Variants in RAD51D observed in about 807,000 individuals in gnomAD.
The protein encoded by RAD51D is DNA repair protein RAD51 homolog 4.
Under a neutral mutation model 44.1 loss-of-function variants are expected in RAD51D, and 38 were observed. That is an observed-to-expected ratio of 0.86 (90% CI 0.67 to 1.13). RAD51D has a LOEUF of 1.13. Among genes scored for constraint, RAD51D ranks in the 50% most tolerant of loss-of-function variants. The pLI, the probability that RAD51D is intolerant of heterozygous loss-of-function variation, is 0.00. For missense variants in RAD51D, 390 were observed against 414.0 expected (o/e 0.94, Z 0.50); for synonymous variants, 141 against 166.6 (o/e 0.85, Z 1.18).
intron 3 of RAD51D, among the ~76,000 whole-genome samples, chr17:35,115,799 G>A (rs2091729296): frequency 6.6e-6 from 1 of 151,636 alleles, no homozygotes; most frequent in East Asian, 1.9e-4. Context: ...GAACCCTGGA[G>A]GCGGAGGTTG....
Position 35,103,849 on chromosome 17 carries a change from C to A in RAD51D, c.577-305G>T, listed in dbSNP as rs1396518047. ...ATCCCAGCACTTTGGGAGGCCAAGG[C>A]GGTGGATCACTTGAGGTCAGGAGTT... On this transcript the variant is annotated intron_variant, in intron 6 of 9. Coordinates refer to ENST00000345365, the MANE Select transcript of RAD51D (RefSeq NM_002878.4). This position sits in a 1 kb window ranked among gnomAD's most constrained non-coding sequence, Gnocchi z 4.1. 6.6e-6 allele frequency among the ~76,000 whole-genome samples: 1 copy of A among 152,112 alleles called. No individual in the cohort carries two copies. Among genetic ancestry groups the A allele is most frequent in the African/African-American group, 2.4e-5 (1 of 41,426 alleles).
chr17:35,116,927 C>A (rs755481450), intron 3 of RAD51D: 1 of 1,611,862 alleles, frequency 6.2e-7, no homozygotes, highest in South Asian at 1.1e-5. Flanking sequence ...TTCCTCCATG[C>A]CCAAGTCCTG....
chr17:35,117,103 C>G, intron 3 of RAD51D: 1 of 1,513,520 alleles, frequency 6.6e-7, no homozygotes, highest in Non-Finnish European at 9.0e-7. Flanking sequence ...TCCCTCCTTA[C>G]CGTTGCCTCC....
At chr17:35,110,338 C>CA (rs1468259293) in intron 3 of RAD51D, among the ~76,000 whole-genome samples, 6 of 152,100 alleles carry the variant, frequency 3.9e-5, no homozygotes, top group African/African-American at 1.4e-4. Flanking sequence ...ATTCTAGATA[C>CA]AAGTCCTTTG....
In RAD51D at chr17:35,115,565, A is replaced by G. The variant is rs76927771; in HGVS notation, c.263+2936T>C. On this transcript the variant is annotated intron_variant, in intron 3 of 9. Coordinates refer to ENST00000345365, the MANE Select transcript of RAD51D (RefSeq NM_002878.4). ...TAAAGTTACACCATTAACTGTCCAC[A>G]GCACACGGTAAGAAAGGCTAGAGAC... Among the ~76,000 whole-genome samples the G allele has an allele frequency of 1.5e-4, 23 of 152,250 alleles. 1 individual carries two copies. The East Asian group carries it at 4.4e-3, about 29-fold the overall frequency.
At chr17:35,112,551 T>C (rs1258001827) in intron 3 of RAD51D, among the ~76,000 whole-genome samples, 3 of 152,130 alleles carry the variant, frequency 2.0e-5, no homozygotes, top group African/African-American at 7.2e-5. Context: ...CTAATTTTTG[T>C]ATTTCTAGTA....
At chr17:35,107,534 TTCAAGCA>T in intron 3 of RAD51D, 87 bp from the exon 4 acceptor site, 3 of 1,076,046 alleles carry the variant, frequency 2.8e-6, no homozygotes, top group Non-Finnish European at 4.3e-6. Context: ...AGACATTTCT[TTCAAGCA>T]CTGGTTCTGT....
At position 35,106,277 on chromosome 17, in the gene RAD51D, A is replaced by AC. The variant is rs753135220; in HGVS notation, c.576+108dup. The AC allele has an allele frequency of 1.1e-5, 10 of 898,812 alleles. No homozygotes were observed. In the African/African-American group the frequency reaches 1.5e-4, roughly 13 times the overall value. 55.7% of individuals were successfully genotyped at this position (898,812 alleles called of 1,614,324 possible). A position where few individuals can be genotyped will look rare whatever the true frequency, so the allele number is the denominator to read the frequency against. On this transcript the variant is annotated intron_variant, in intron 6 of 9. Transcript: ENST00000345365. ...GGGAGTAGCAAGCATAGTTGGAGTC[A>AC]CCAGATTGCACATCTGCATTTCCAA... is the stretch of plus-strand genomic sequence containing the variant.
chr17:35,115,956 G>GAAAA (rs71366411), intron 3 of RAD51D, among the ~76,000 whole-genome samples: 4 of 65,278 alleles, frequency 6.1e-5, no homozygotes, highest in South Asian at 1.3e-3. Flanking sequence ...AAGGAAGAAA[G>GAAAA]GAAAGAAAGA....
chr17:35,117,023 G>A lies in RAD51D; in HGVS notation c.263+1478C>T, dbSNP rs200538950. On this transcript the variant is annotated intron_variant, in intron 3 of 9. Transcript: ENST00000345365. ...GCAGTCCTCCCAGGTTCCCACTTGA[G>A]TGCGCCCTCCATGTCTGTTGGATTT... 166 of 1,613,076 alleles carry A rather than the reference G, an allele frequency of 1.0e-4. 1 individual carries two copies. The African/African-American group carries it at 1.5e-3, about 14-fold the overall frequency.
rs58111077 is a variant in RAD51D at position 35,115,940 on chromosome 17, A to G, written c.263+2561T>C. On this transcript the variant is annotated intron_variant, in intron 3 of 9. Transcript: ENST00000345365. ...GGAAGGAAGGAAGGAAGGAAGGAAG[A>G]AAGAAAAGGAAGAAAGGAAAGAAAG... Among the ~76,000 whole-genome samples the G allele has an allele frequency of 3.5e-3, 387 of 109,418 alleles. 4 individuals are homozygous for G. The highest frequency in any genetic ancestry group is 8.2e-3 in the African/African-American group (247 of 30,284). The allele number at this position is 109,418 out of a possible 152,430, so 71.8% of individuals were successfully genotyped here.
rs1567729412 is a variant in RAD51D at position 35,108,496 on chromosome 17, T to TA, written c.264-1050_264-1049insT. Among the ~76,000 whole-genome samples, 298 of 125,510 alleles carry TA rather than the reference T, an allele frequency of 2.4e-3. 17 individuals carry two copies. Among genetic ancestry groups the TA allele is most frequent in the African/African-American group, 9.7e-3 (290 of 29,852 alleles). 82.3% of individuals were successfully genotyped at this position (125,510 alleles called of 152,430 possible). ...GCAACATAGCAAGACCCTTTTCTCT[T>TA]TAAAAAAAAAAAAAAAAAAAAAAAA... is the stretch of plus-strand genomic sequence containing the variant. On this transcript the variant is annotated intron_variant, in intron 3 of 9. Transcript: ENST00000345365.
chr17:35,106,265 A>G (rs1315678641), intron 6 of RAD51D, 121 bp downstream of exon 6: 1 of 827,822 alleles, frequency 1.2e-6, no homozygotes, highest in African/African-American at 1.7e-5. Context: ...AGTAGCAAGC[A>G]TAGTTGGAGT....
At chr17:35,116,904 G>C in intron 3 of RAD51D, 1 of 1,601,564 alleles carries the variant, frequency 6.2e-7, no homozygotes, top group Non-Finnish European at 8.5e-7. Flanking sequence ...AGCATTCAGC[G>C]AAAGTCCATC....
intron 3 of RAD51D, among the ~76,000 whole-genome samples, chr17:35,115,022 A>C (rs549299382): frequency 6.6e-6 from 1 of 152,320 alleles, no homozygotes; most frequent in African/African-American, 2.4e-5. Context: ...TCCACCTTCC[A>C]GCCAACTTCT....
chr17:35,104,577 G>T (rs1474005035), intron 6 of RAD51D, among the ~76,000 whole-genome samples: 1 of 152,182 alleles, frequency 6.6e-6, no homozygotes, highest in African/African-American at 2.4e-5. Flanking sequence ...CAGAGACGGG[G>T]TTTTACCGTG....
intron 3 of RAD51D, among the ~76,000 whole-genome samples, chr17:35,112,822 T>G (rs28363270): frequency 0.011 from 1,750 of 152,344 alleles, 31 homozygotes; most frequent in African/African-American, 0.04. Context: ...TTTGTTTGTC[T>G]TGCTCATCTA....
chr17:35,108,576 G>A (rs1271806252), intron 3 of RAD51D, among the ~76,000 whole-genome samples: 2 of 149,844 alleles, frequency 1.3e-5, no homozygotes, highest in Admixed American at 6.7e-5. Flanking sequence ...TATCCACAGA[G>A]CTTATTCAGA....
rs961162993 is a variant in RAD51D at position 35,097,419 on chromosome 17, A to T, written c.*3534T>A. On this transcript the variant is annotated 3_prime_UTR_variant, in exon 10 of 10. Coordinates refer to ENST00000345365, the MANE Select transcript of RAD51D (RefSeq NM_002878.4). ...AGGCGTGAGCCACTGCGCCTGGCTCATATGTGTATATATATGTGTGTATAT... is the reference window on the plus strand; with the variant it reads ...AGGCGTGAGCCACTGCGCCTGGCTCTTATGTGTATATATATGTGTGTATAT... The T allele has an allele frequency of 1.3e-5, 2 of 150,830 alleles. No individual in the cohort carries two copies. Among genetic ancestry groups the T allele is most frequent in the Non-Finnish European group, 2.9e-5 (2 of 67,836 alleles). 9.3% of individuals were successfully genotyped at this position (150,830 alleles called of 1,614,324 possible).
Sources: gnomAD v4.1 joint callset for allele counts (sites outside exome capture counted in the v4.1 genomes callset) on GRCh38, gnomAD v4.1.1 for gene constraint, Gnocchi (gnomAD v3.1) non-coding constraint, MANE v1.5 for transcripts, NCBI Gene and HGNC (gene_info 2026-07-23, HGNC 2026-07-21) for gene names.